Variants in INPP4A observed in about 807,000 individuals in gnomAD.
The protein encoded by INPP4A is inositol polyphosphate-4-phosphatase, type I, 107kD.
Under a neutral mutation model 119.8 loss-of-function variants are expected in INPP4A, and 33 were observed. That is an observed-to-expected ratio of 0.28 (90% CI 0.21 to 0.37). The LOEUF (loss-of-function observed/expected upper bound fraction) is 0.37. INPP4A is among the 10% of genes least tolerant of loss of function. INPP4A has a pLI of 1.00. For missense variants in INPP4A, 956 were observed against 1,289.9 expected (o/e 0.74, Z 3.97); for synonymous variants, 496 against 500.7 (o/e 0.99, Z 0.12).
Position 98,566,258 on chromosome 2 carries a change from C to T in INPP4A, c.2420+89C>T. 1 of 1,329,218 alleles carries T rather than the reference C, an allele frequency of 7.5e-7. No individual in the cohort carries two copies. Among genetic ancestry groups the T allele is most frequent in the Non-Finnish European group, 1.0e-6 (1 of 997,270 alleles). 82.3% of individuals were successfully genotyped at this position (1,329,218 alleles called of 1,614,324 possible). A position where few individuals can be genotyped will look rare whatever the true frequency, so the allele number is the denominator to read the frequency against. On this transcript the variant is annotated intron_variant, in intron 21 of 24. Transcript: ENST00000409851. The surrounding 1 kb of genome is among the most constrained non-coding windows in gnomAD (Gnocchi z 4.2). ...CTTACCCCTCTTCAGGCTCTAAGTG[C>T]TGGACAGACTTTGTCATCCTTCCTT...
At chr2:98,487,707 G>GATAT (rs2105166766) in intron 1 of INPP4A, among the ~76,000 whole-genome samples, 1 of 152,334 alleles carries the variant, frequency 6.6e-6, no homozygotes, top group African/African-American at 2.4e-5. Flanking sequence ...TCTTCCATAT[G>GATAT]TCTGAAGAAC....
At chr2:98,509,973 C>T (rs1335934521) in intron 1 of INPP4A, among the ~76,000 whole-genome samples, 1 of 152,128 alleles carries the variant, frequency 6.6e-6, no homozygotes, top group African/African-American at 2.4e-5. Context: ...GAAGGGCAGT[C>T]CCAGAGAGGG....
chr2:98,587,688 C>CTT lies in INPP4A; in HGVS notation c.*80_*81insTT. On this transcript the variant is annotated 3_prime_UTR_variant, in exon 25 of 25. Coordinates refer to ENST00000409851, the MANE Select transcript of INPP4A (RefSeq NM_001134225.2). ...GTCATATATGAATTCTTCAAGAAGACCTGAAGGATTGGTTTTTATTTTTTG... is the reference window on the plus strand; with the variant it reads ...GTCATATATGAATTCTTCAAGAAGACTTCTGAAGGATTGGTTTTTATTTTTTG... 9.2e-7 allele frequency: 1 copy of CTT among 1,091,970 alleles called. No homozygotes were observed. The highest frequency in any genetic ancestry group is 1.3e-6 in the Non-Finnish European group (1 of 770,490). The allele number at this position is 1,091,970 out of a possible 1,614,324, so 67.6% of individuals were successfully genotyped here.
In INPP4A at chr2:98,566,165, G is replaced by A; in HGVS notation, c.2416G>A (p.Glu806Lys). The A allele has an allele frequency of 6.3e-7, 1 of 1,590,464 alleles. No individual in the cohort carries two copies. The highest frequency in any genetic ancestry group is 8.6e-7 in the Non-Finnish European group (1 of 1,165,722). The stretch of plus-strand genomic sequence containing the variant: ...CATCAATGAGCAGCAGACACTGGCC[G>A]AGAGGTGCGTGCCGGCTCCTCGGGG... ...VGINEQQTLA[E>K]RFGDTSLQEV... Residue 806 changes from glutamate (E) to lysine (K), a missense_variant, in exon 21 of 25, where the codon GAG becomes AAG. By Grantham distance (56) the Glu-to-Lys change is moderately conservative. Around this residue, in one of 2 missense-constraint regions of INPP4A, gnomAD observed 304 missense variants for 492.1 expected, o/e 0.62. Transcript: ENST00000409851. This position sits in a 1 kb window ranked among gnomAD's most constrained non-coding sequence, Gnocchi z 4.2.
At chr2:98,543,086 A>AT (rs1412201617) in intron 10 of INPP4A, among the ~76,000 whole-genome samples, 2 of 151,936 alleles carry the variant, frequency 1.3e-5, no homozygotes, top group Admixed American at 6.6e-5. Flanking sequence ...CGCCCGGCTA[A>AT]TTTTTTGTAT....
intron 5 of INPP4A, among the ~76,000 whole-genome samples, chr2:98,534,401 G>A (rs1007874473): frequency 3.9e-5 from 6 of 152,190 alleles, no homozygotes; most frequent in African/African-American, 1.4e-4. Context: ...CAGGAGGCTG[G>A]GATCCTATCT....
chr2:98,512,306 G>A (rs919479389), intron 1 of INPP4A, among the ~76,000 whole-genome samples: 4 of 152,222 alleles, frequency 2.6e-5, no homozygotes, highest in Admixed American at 6.5e-5. Flanking sequence ...TCTGAAGTGG[G>A]ATTAGCTGAG....
At chr2:98,568,194 G>A (rs181891091) in intron 21 of INPP4A, among the ~76,000 whole-genome samples, 24 of 152,288 alleles carry the variant, frequency 1.6e-4, no homozygotes, top group African/African-American at 5.8e-4. Flanking sequence ...GTACAGGGCT[G>A]CATCCTCACC....
chr2:98,448,400 C>CTAT (rs1558848188), intron 1 of INPP4A, among the ~76,000 whole-genome samples: 1 of 150,100 alleles, frequency 6.7e-6, no homozygotes, highest in Non-Finnish European at 1.5e-5. Flanking sequence ...TGATATAACA[C>CTAT]TATTTAGTGT....
chr2:98,590,709 C>T lies in INPP4A; in HGVS notation c.*3101C>T. ...TTGCACCACTGTGCCGTCTTCTAGG[C>T]ACACACGACCCGTTATCTCCCTTGG... On this transcript the variant is annotated 3_prime_UTR_variant, in exon 25 of 25. Transcript: ENST00000409851. 4.6e-6 allele frequency: 1 copy of T among 218,650 alleles called. No individual in the cohort carries two copies. Among genetic ancestry groups the T allele is most frequent in the Non-Finnish European group, 9.2e-6 (1 of 108,920 alleles). The allele number at this position is 218,650 out of a possible 1,614,324, so 13.5% of individuals were successfully genotyped here.
At position 98,566,588 on chromosome 2, in the gene INPP4A, C is replaced by T. The variant is rs935451758; in HGVS notation, c.2420+419C>T. On this transcript the variant is annotated intron_variant, in intron 21 of 24. Transcript: ENST00000409851. This position sits in a 1 kb window ranked among gnomAD's most constrained non-coding sequence, Gnocchi z 4.2. ...TTAAGAAGACTGAAGAAAGGCCTGGCGAGGAGAAACAGCATGGAGTTCAGG... is the reference window on the plus strand; with the variant it reads ...TTAAGAAGACTGAAGAAAGGCCTGGTGAGGAGAAACAGCATGGAGTTCAGG... Among the ~76,000 whole-genome samples the T allele has an allele frequency of 2.0e-5, 3 of 152,038 alleles. No homozygotes were observed. Among genetic ancestry groups the T allele is most frequent in the Non-Finnish European group, 2.9e-5 (2 of 68,008 alleles).
intron 13 of INPP4A, chr2:98,548,868 A>C: frequency 7.9e-7 from 1 of 1,260,524 alleles, no homozygotes; most frequent in South Asian, 1.3e-5. Context: ...TTGACAAAAA[A>C]TAAGTTGGCT....
At chr2:98,464,385 G>A (rs1217466292) in intron 1 of INPP4A, among the ~76,000 whole-genome samples, 1 of 152,162 alleles carries the variant, frequency 6.6e-6, no homozygotes, top group Non-Finnish European at 1.5e-5. Flanking sequence ...CTTGGGACTC[G>A]CTCCTCAAAG....
At chr2:98,574,654 G>T (rs1380242405) in intron 23 of INPP4A, among the ~76,000 whole-genome samples, 1 of 148,536 alleles carries the variant, frequency 6.7e-6, no homozygotes, top group Non-Finnish European at 1.5e-5. Flanking sequence ...AAAAAAAAAA[G>T]AATGCAGAGG....
chr2:98,463,213 GGTA>G (rs1673969738), intron 1 of INPP4A, among the ~76,000 whole-genome samples: 1 of 152,218 alleles, frequency 6.6e-6, no homozygotes, highest in Admixed American at 6.5e-5. Context: ...CCCAGTTTCA[GGTA>G]CATTGGCTCT....
chr2:98,501,578 G>A (rs748498414), intron 1 of INPP4A, among the ~76,000 whole-genome samples: 4 of 152,162 alleles, frequency 2.6e-5, no homozygotes, highest in Non-Finnish European at 4.4e-5. Context: ...CTGAGGCAGG[G>A]AGTAATGATT....
rs539431111 is a variant in INPP4A, at chr2:98,567,121, C to G, written c.2420+952C>G. Among the ~76,000 whole-genome samples the G allele has an allele frequency of 6.6e-5, 10 of 152,044 alleles. No individual in the cohort carries two copies. The South Asian group carries it at 1.2e-3, about 19-fold the overall frequency. Reference sequence around the variant, plus strand: ...GATTTACATTTAAAGTAGGTCGTTTCGCTGGCACGTGCCGGGAGGAGATGA... The same window carrying G: ...GATTTACATTTAAAGTAGGTCGTTTGGCTGGCACGTGCCGGGAGGAGATGA... On this transcript the variant is annotated intron_variant, in intron 21 of 24. Coordinates refer to ENST00000409851, the MANE Select transcript of INPP4A (RefSeq NM_001134225.2).
At chr2:98,582,418 C>T (rs1396279731) in intron 24 of INPP4A, among the ~76,000 whole-genome samples, 4 of 152,212 alleles carry the variant, frequency 2.6e-5, no homozygotes, top group African/African-American at 9.7e-5. Flanking sequence ...CACAGTCAGA[C>T]ACAGAAAGAT....
At chr2:98,448,046 CA>C (rs35998148) in intron 1 of INPP4A, among the ~76,000 whole-genome samples, 19,887 of 64,362 alleles carry the variant, frequency 0.31, 1,196 homozygotes, top group Middle Eastern at 0.38. Flanking sequence ...GACTCTGTCT[CA>C]AAAAAAAAAA....
Sources: gnomAD v4.1 joint callset for allele counts (sites outside exome capture counted in the v4.1 genomes callset) on GRCh38, gnomAD v4.1.1 for gene constraint, gnomAD v4.1.1 regional missense constraint, Gnocchi (gnomAD v3.1) non-coding constraint, MANE v1.5 for transcripts, NCBI Gene and HGNC (gene_info 2026-07-23, HGNC 2026-07-21) for gene names.